Variants in EML4 observed in about 807,000 individuals in gnomAD.
EML4 encodes the protein EMAP like 4.
In EML4, 72 loss-of-function variants were observed where a neutral mutation model predicts 129.0. The observed-to-expected ratio is 0.56, with a 90% CI of 0.46 to 0.68. The LOEUF (loss-of-function observed/expected upper bound fraction) is 0.68, where lower values mean the gene tolerates loss of function less well. Ranked by LOEUF, EML4 falls within the 30% of genes least tolerant of loss-of-function variation. The pLI is 0.00. For missense variants in EML4, 1,363 were observed against 1,190.6 expected (o/e 1.14, Z -2.13); for synonymous variants, 532 against 405.0 (o/e 1.31, Z -3.77).
At chr2:42,194,154 A>G (rs1671765020) in intron 1 of EML4, among the ~76,000 whole-genome samples, 1 of 152,188 alleles carries the variant, frequency 6.6e-6, no homozygotes, top group Admixed American at 6.5e-5. Context: ...TAAATTTTTA[A>G]TGTGTAATGT....
At chr2:42,192,536 A>C (rs1273360572) in intron 1 of EML4, among the ~76,000 whole-genome samples, 1 of 152,030 alleles carries the variant, frequency 6.6e-6, no homozygotes, top group Admixed American at 6.6e-5. Context: ...CACCGTGCCC[A>C]GCCTACTGTT....
chr2:42,283,338 A>T (rs1438637096), intron 8 of EML4, among the ~76,000 whole-genome samples: 1 of 152,222 alleles, frequency 6.6e-6, no homozygotes, highest in African/African-American at 2.4e-5. Flanking sequence ...GATTTGTCCT[A>T]TGTAGATAAA....
intron 1 of EML4, among the ~76,000 whole-genome samples, chr2:42,221,853 C>T (rs574885336): frequency 2.7e-4 from 41 of 152,134 alleles, no homozygotes; most frequent in African/African-American, 9.9e-4. Context: ...ATCCACCCAC[C>T]TCAGCCTCCC....
At chr2:42,324,730 A>T (rs1669696534) in intron 19 of EML4, among the ~76,000 whole-genome samples, 1 of 152,248 alleles carries the variant, frequency 6.6e-6, no homozygotes, top group African/African-American at 2.4e-5. Flanking sequence ...GAACCATAAG[A>T]TCTGTGTAAT....
intron 2 of EML4, among the ~76,000 whole-genome samples, chr2:42,252,105 G>A (rs745311481): frequency 8.5e-5 from 13 of 152,188 alleles, no homozygotes; most frequent in Non-Finnish European, 1.3e-4. Flanking sequence ...AATATGTACC[G>A]GAGTAGCAAG....
At chr2:42,191,781 C>T (rs183209923) in intron 1 of EML4, among the ~76,000 whole-genome samples, 8 of 152,168 alleles carry the variant, frequency 5.3e-5, no homozygotes, top group Admixed American at 2.6e-4. Flanking sequence ...CTAGTTTTGC[C>T]GGGCGTGGTG....
At chr2:42,200,506 C>T (rs1672164894) in intron 1 of EML4, among the ~76,000 whole-genome samples, 1 of 152,184 alleles carries the variant, frequency 6.6e-6, no homozygotes, top group African/African-American at 2.4e-5. Flanking sequence ...GGTTGTCAGG[C>T]ATATTTAATT....
Position 42,318,132 on chromosome 2 carries a change from T to C in EML4, c.2154+608T>C, listed in dbSNP as rs541804743. On this transcript the variant is annotated intron_variant, in intron 19 of 22. Coordinates refer to ENST00000318522, the MANE Select transcript of EML4 (RefSeq NM_019063.5). ...TTAGGCACCAGGAATATGTACAACA[T>C]GTGTTCCTTTGTCCTCAAGAAGTAC... 3.3e-5 allele frequency among the ~76,000 whole-genome samples: 5 copies of C among 152,316 alleles called. No homozygotes were observed. The South Asian group carries it at 8.3e-4, about 25-fold the overall frequency.
chr2:42,183,306 TAGAC>T (rs1490316622), intron 1 of EML4, among the ~76,000 whole-genome samples: 1 of 152,174 alleles, frequency 6.6e-6, no homozygotes, highest in African/African-American at 2.4e-5. Flanking sequence ...TGAGGGGAGA[TAGAC>T]AATAAAGAGT....
At chr2:42,174,856 T>C (rs527659181) in intron 1 of EML4, among the ~76,000 whole-genome samples, 15 of 152,134 alleles carry the variant, frequency 9.9e-5, no homozygotes, top group African/African-American at 3.4e-4. Flanking sequence ...CTTGCTCTGT[T>C]GCCCAGGCTG....
chr2:42,299,544 T>G (rs1029571950), intron 13 of EML4, among the ~76,000 whole-genome samples: 2 of 152,164 alleles, frequency 1.3e-5, no homozygotes. Flanking sequence ...ACTTTCTATT[T>G]CTCCCTCCCC....
chr2:42,326,099 C>G (rs534364364), intron 20 of EML4, 55 bp from the exon 21 acceptor site: 1 of 1,595,374 alleles, frequency 6.3e-7, no homozygotes, highest in African/African-American at 1.3e-5. Flanking sequence ...GATGCACTTT[C>G]AAATACATTT....
chr2:42,257,160 G>T (rs1288423098), intron 3 of EML4, among the ~76,000 whole-genome samples: 1 of 152,052 alleles, frequency 6.6e-6, no homozygotes, highest in African/African-American at 2.4e-5. Flanking sequence ...CAGGAGGGCT[G>T]TGGAATTACA....
intron 6 of EML4, among the ~76,000 whole-genome samples, chr2:42,275,727 C>T (rs1286132826): frequency 1.3e-5 from 2 of 152,198 alleles, no homozygotes; most frequent in Admixed American, 6.5e-5. Flanking sequence ...TCTTCACTCC[C>T]TCTCAGTCCC....
At chr2:42,303,865 C>G (rs1188410427) in intron 16 of EML4, among the ~76,000 whole-genome samples, 1 of 152,190 alleles carries the variant, frequency 6.6e-6, no homozygotes, top group Non-Finnish European at 1.5e-5. Flanking sequence ...GCGGAGCTTG[C>G]AGTGAGCCGA....
intron 14 of EML4, 27 bp downstream of exon 14, chr2:42,301,419 T>C (rs1186377169): frequency 1.3e-6 from 2 of 1,563,870 alleles, no homozygotes; most frequent in African/African-American, 2.8e-5. Flanking sequence ...AATATAAAAA[T>C]ATTAAATACT....
intron 3 of EML4, among the ~76,000 whole-genome samples, chr2:42,260,228 T>A (rs1665641850): frequency 1.3e-5 from 2 of 151,636 alleles, no homozygotes; most frequent in African/African-American, 2.4e-5. Context: ...AGTGCAATGG[T>A]GCAATCTCCG....
At chr2:42,212,297 T>C (rs970323271) in intron 1 of EML4, among the ~76,000 whole-genome samples, 12 of 152,348 alleles carry the variant, frequency 7.9e-5, no homozygotes, top group African/African-American at 2.6e-4. Flanking sequence ...TAATTTGTAT[T>C]TTACTTTCAA....
chr2:42,242,762 C>G (rs60968516), intron 1 of EML4, among the ~76,000 whole-genome samples: 12 of 143,404 alleles, frequency 8.4e-5, no homozygotes, highest in African/African-American at 3.1e-4. Context: ...CTTTTTTTCT[C>G]TTTTCTTTTT....
Sources: gnomAD v4.1 joint callset for allele counts (sites outside exome capture counted in the v4.1 genomes callset) on GRCh38, gnomAD v4.1.1 for gene constraint, MANE v1.5 for transcripts, NCBI Gene and HGNC (gene_info 2026-07-23, HGNC 2026-07-21) for gene names.